Variants in RAPGEF4 observed in about 807,000 individuals in gnomAD.
RAPGEF4 encodes the protein RAP guanine-nucleotide-exchange factor (GEF) 4.
A neutral mutation model predicts 147.9 loss-of-function variants in RAPGEF4; 66 were observed. That is an observed-to-expected ratio of 0.45 (90% CI 0.37 to 0.55). RAPGEF4 has a LOEUF of 0.55. RAPGEF4 is among the 20% of genes least tolerant of loss of function. The probability of loss-of-function intolerance (pLI) is 0.00; values close to 1 mark genes in which losing one functional copy is unlikely to be tolerated. For synonymous variants in RAPGEF4, 419 were observed against 442.7 expected (o/e 0.95, Z 0.67); for missense variants, 1,071 against 1,257.3 (o/e 0.85, Z 2.24).
chr2:172,965,389 G>T (rs1263368640), intron 8 of RAPGEF4, 173 bp from the exon 9 acceptor site: 2 of 735,304 alleles, frequency 2.7e-6, no homozygotes, highest in Non-Finnish European at 4.6e-6. Flanking sequence ...TTTTTGGCTT[G>T]TATTAGCATT....
At chr2:172,839,618 A>T (rs1010890395) in intron 4 of RAPGEF4, among the ~76,000 whole-genome samples, 15 of 150,470 alleles carry the variant, frequency 1.0e-4, no homozygotes, top group Admixed American at 9.3e-4. Flanking sequence ...TTCTGTGCTG[A>T]CCTCCTATCT....
In RAPGEF4 at chr2:172,965,453, G is replaced by A; in HGVS notation, c.699-109G>A. 3 of 1,268,020 alleles carry A rather than the reference G, an allele frequency of 2.4e-6. No individual in the cohort carries two copies. In the South Asian group the frequency reaches 3.9e-5, roughly 16 times the overall value. 78.5% of individuals were successfully genotyped at this position (1,268,020 alleles called of 1,614,324 possible). The stretch of plus-strand genomic sequence containing the variant: ...CTTTGTTTGCCATGAGACCTCTTCT[G>A]GTAGGAGATCATTAAGCCCTTTGGT... On this transcript the variant is annotated intron_variant, in intron 8 of 30. Transcript: ENST00000397081.
intron 1 of RAPGEF4, 160 bp downstream of exon 1, chr2:172,736,208 G>C: frequency 4.7e-6 from 2 of 424,104 alleles, no homozygotes; most frequent in Non-Finnish European, 7.8e-6. Flanking sequence ...GGAGACAGGA[G>C]GACAAGGATC....
Position 173,009,162 on chromosome 2 carries a change from C to A in RAPGEF4, c.1659-5302C>A, listed in dbSNP as rs112786512. 5.8e-3 allele frequency among the ~76,000 whole-genome samples: 888 copies of A among 152,304 alleles called. 15 individuals carry two copies. The highest frequency in any genetic ancestry group is 0.02 in the African/African-American group (845 of 41,548). On this transcript the variant is annotated intron_variant, in intron 17 of 30. Coordinates refer to ENST00000397081, the MANE Select transcript of RAPGEF4 (RefSeq NM_007023.4). ...GTACCAGATGTTTTACAATTAAATT[C>A]TTTATGAATTTATTTAGAATGTACC...
At chr2:172,952,990 A>C (rs2676504) in intron 6 of RAPGEF4, among the ~76,000 whole-genome samples, 86,975 of 151,770 alleles carry the variant, frequency 0.57, 25,072 homozygotes, top group Non-Finnish European at 0.58. Flanking sequence ...GTACTCCAGA[A>C]CAGTTGACAG....
chr2:173,048,597 T>C lies in RAPGEF4; in HGVS notation c.2854-3T>C, dbSNP rs568892936. On this transcript the variant is annotated splice_polypyrimidine_tract_variant and splice_region_variant and intron_variant, in intron 29 of 30. Coordinates refer to ENST00000397081, the MANE Select transcript of RAPGEF4 (RefSeq NM_007023.4). ...ATCTTTCTTTTTTCTATATTCCTTT[T>C]AGCGCATGATTGCAAATACGGCCAG... 27 of 1,614,142 alleles carry C rather than the reference T, an allele frequency of 1.7e-5. No individual in the cohort carries two copies. In the South Asian group the frequency reaches 2.3e-4, roughly 14 times the overall value.
At chr2:172,845,024 A>G (rs900140045) in intron 4 of RAPGEF4, among the ~76,000 whole-genome samples, 10 of 152,200 alleles carry the variant, frequency 6.6e-5, no homozygotes, top group African/African-American at 2.2e-4. Flanking sequence ...GGAAGAAGGA[A>G]AGAGAATTTT....
chr2:172,825,311 A>G (rs940073810), intron 4 of RAPGEF4, among the ~76,000 whole-genome samples: 2 of 152,248 alleles, frequency 1.3e-5, no homozygotes, highest in Non-Finnish European at 2.9e-5. Context: ...ATACTGTACT[A>G]AAAGTGAAAA....
intron 4 of RAPGEF4, among the ~76,000 whole-genome samples, chr2:172,892,005 A>G (rs1697971239): frequency 6.6e-6 from 1 of 152,112 alleles, no homozygotes; most frequent in South Asian, 2.1e-4. Flanking sequence ...CCCATTTTTT[A>G]TAAAATGACC....
At chr2:172,936,494 C>T (rs190625944) in intron 6 of RAPGEF4, among the ~76,000 whole-genome samples, 4 of 152,050 alleles carry the variant, frequency 2.6e-5, no homozygotes, top group African/African-American at 4.8e-5. Flanking sequence ...TCATATTCTT[C>T]CTTTTTCAAT....
chr2:172,780,176 A>C (rs999147428), intron 1 of RAPGEF4, among the ~76,000 whole-genome samples: 1 of 152,196 alleles, frequency 6.6e-6, no homozygotes, highest in African/African-American at 2.4e-5. Context: ...AAAAAAAACA[A>C]ACAGAAGTTT....
chr2:173,014,520 A>T lies in RAPGEF4; in HGVS notation c.1715A>T (p.Asn572Ile). 6 of 1,614,178 alleles carry T rather than the reference A, an allele frequency of 3.7e-6. No homozygotes were observed. The highest frequency in any genetic ancestry group is 5.1e-6 in the Non-Finnish European group (6 of 1,180,024). ...CAGGAGAAAATGGATTATGCCCTCA[A>T]CAATAAGAGGCGAGTCATCCGCCTG... ...TEQEKMDYAL[N>I]NKRRVIRLVL... The change falls in exon 18 of 31, where the codon AAC (asparagine) becomes ATC (isoleucine). Residue 572 changes from asparagine to isoleucine, a missense_variant. Asn to Ile is a moderately radical substitution (Grantham distance 149, BLOSUM62 -3). Coordinates refer to ENST00000397081, the MANE Select transcript of RAPGEF4 (RefSeq NM_007023.4).
At chr2:172,919,186 C>T (rs1019910167) in intron 5 of RAPGEF4, among the ~76,000 whole-genome samples, 11 of 152,096 alleles carry the variant, frequency 7.2e-5, no homozygotes, top group Admixed American at 2.6e-4. Context: ...TGGCAAGGCA[C>T]GTAGTCTCTC....
At chr2:172,808,741 G>C (rs1687736096) in intron 3 of RAPGEF4, among the ~76,000 whole-genome samples, 1 of 152,124 alleles carries the variant, frequency 6.6e-6, no homozygotes, top group Admixed American at 6.5e-5. Context: ...TGAGGCTCTG[G>C]GGAGCATTTT....
intron 1 of RAPGEF4, among the ~76,000 whole-genome samples, chr2:172,763,657 T>C: frequency 6.6e-6 from 1 of 152,312 alleles, no homozygotes. Flanking sequence ...ACATGAATTG[T>C]GAATTAATCA....
rs566195255 is a variant in RAPGEF4 at position 172,859,558 on chromosome 2, T to C, written c.444+45133T>C. On this transcript the variant is annotated intron_variant, in intron 4 of 30. Transcript: ENST00000397081. ...TGGATCTGCCCAAATTTTTATAGCA[T>C]TTTATTCTTTGTATGGAACTTGCTA... is the stretch of plus-strand genomic sequence containing the variant. Among the ~76,000 whole-genome samples, 13 of 152,348 alleles carry C rather than the reference T, an allele frequency of 8.5e-5. No homozygotes were observed. In the South Asian group the frequency reaches 2.7e-3, roughly 32 times the overall value.
chr2:172,851,567 G>A (rs1692832221), intron 4 of RAPGEF4, among the ~76,000 whole-genome samples: 1 of 152,018 alleles, frequency 6.6e-6, no homozygotes, highest in Admixed American at 6.6e-5. Flanking sequence ...AAGATAGACT[G>A]GAAAAAGAAA....
chr2:172,801,982 C>T (rs890168654), intron 3 of RAPGEF4, among the ~76,000 whole-genome samples: 9 of 152,242 alleles, frequency 5.9e-5, no homozygotes, highest in Middle Eastern at 6.8e-3. Context: ...CTCCAAAGGG[C>T]ATCTGGATTA....
intron 15 of RAPGEF4, among the ~76,000 whole-genome samples, chr2:172,993,313 A>G (rs1693016086): frequency 6.6e-6 from 1 of 152,198 alleles, no homozygotes; most frequent in Admixed American, 6.5e-5. Flanking sequence ...TTAGTAAGAA[A>G]GAATTTGAAA....
Sources: gnomAD v4.1 joint callset for allele counts (sites outside exome capture counted in the v4.1 genomes callset) on GRCh38, gnomAD v4.1.1 for gene constraint, MANE v1.5 for transcripts, NCBI Gene and HGNC (gene_info 2026-07-23, HGNC 2026-07-21) for gene names.